Variants in STARD13 observed in about 807,000 individuals in gnomAD.
The protein encoded by STARD13 is stAR-related lipid transfer protein 13.
STARD13 carries 62 observed loss-of-function variants against 106.4 expected under a neutral mutation model. The observed-to-expected ratio is 0.58, with a 90% confidence interval of 0.48 to 0.72. STARD13 has a LOEUF of 0.72. Ranked by LOEUF, STARD13 falls within the 30% of genes least tolerant of loss-of-function variation. The pLI, the probability that STARD13 is intolerant of heterozygous loss-of-function variation, is 0.00. For synonymous variants in STARD13, 565 were observed against 553.0 expected (o/e 1.02, Z -0.31); for missense variants, 1,387 against 1,424.0 (o/e 0.97, Z 0.42).
chr13:33,209,570 A>G (rs1203633502), intron 1 of STARD13, among the ~76,000 whole-genome samples: 3 of 152,154 alleles, frequency 2.0e-5, no homozygotes, highest in African/African-American at 7.2e-5. Flanking sequence ...AACAATTAGG[A>G]CAGATCTGCT....
At chr13:33,118,037 G>T in intron 8 of STARD13, 28 bp downstream of exon 8, 1 of 1,611,224 alleles carries the variant, frequency 6.2e-7, no homozygotes, top group South Asian at 1.1e-5. Context: ...ATGCCCACGA[G>T]AACACCAATC....
the STARD13 span, among the ~76,000 whole-genome samples, chr13:33,460,362 G>A: frequency 1.3e-5 from 2 of 151,634 alleles, no homozygotes; most frequent in Admixed American, 1.3e-4. Flanking sequence ...GTGGTGCCAC[G>A]TGCCTGTAGT....
the STARD13 span, among the ~76,000 whole-genome samples, chr13:33,408,684 T>G: frequency 6.6e-6 from 1 of 152,158 alleles, no homozygotes; most frequent in African/African-American, 2.4e-5. Context: ...ACTGAAGAAT[T>G]AAGCCCATTT....
At chr13:33,553,794 G>T in the STARD13 span, among the ~76,000 whole-genome samples, 60 of 151,766 alleles carry the variant, frequency 4.0e-4, 1 homozygote, top group Non-Finnish European at 7.5e-4. Flanking sequence ...TGGCCAGGAT[G>T]GTCTCGATGT....
At chr13:33,287,179 G>A (rs1179674213), upstream of STARD13, among the ~76,000 whole-genome samples, 4 of 152,300 alleles carry the variant, frequency 2.6e-5, no homozygotes, top group East Asian at 5.8e-4. Context: ...CAAATTAAAA[G>A]TTTAACAGGA....
At chr13:33,519,273 TTTTCTTTCTCTTTC>T in the STARD13 span, among the ~76,000 whole-genome samples, 1 of 136,540 alleles carries the variant, frequency 7.3e-6, no homozygotes, top group South Asian at 2.4e-4. Flanking sequence ...TCTTTCTTTC[TTTTCTTTCTCTTTC>T]TTTCTTTCTC....
intron 1 of STARD13, among the ~76,000 whole-genome samples, chr13:33,295,866 A>G (rs1594230999): frequency 6.6e-6 from 1 of 151,908 alleles, no homozygotes; most frequent in East Asian, 1.9e-4. Context: ...CTGCATAAAT[A>G]CTTTCCTATG....
At chr13:33,605,636 T>C in the STARD13 span, among the ~76,000 whole-genome samples, 6 of 152,162 alleles carry the variant, frequency 3.9e-5, no homozygotes, top group African/African-American at 1.2e-4. Flanking sequence ...GACCACACTT[T>C]GAATAGCGCT....
chr13:33,144,754 T>C lies in STARD13; in HGVS notation c.324-2381A>G, dbSNP rs183116928. 1.4e-4 allele frequency among the ~76,000 whole-genome samples: 21 copies of C among 152,330 alleles called. No homozygotes were observed. The East Asian group carries it at 4.0e-3, about 29-fold the overall frequency. ...AAAAAAATGGTGGATATTGCACATTTGGTGGCTCTGTAACAGGTTTGTTTA... is the reference window on the plus strand; with the variant it reads ...AAAAAAATGGTGGATATTGCACATTCGGTGGCTCTGTAACAGGTTTGTTTA... On this transcript the variant is annotated intron_variant, in intron 3 of 13. Coordinates refer to ENST00000336934, the MANE Select transcript of STARD13 (RefSeq NM_178006.4).
At chr13:33,125,886 C>T (rs1439693625) in intron 7 of STARD13, among the ~76,000 whole-genome samples, 195 bp downstream of exon 7, 1 of 152,084 alleles carries the variant, frequency 6.6e-6, no homozygotes, top group African/African-American at 2.4e-5. Flanking sequence ...ATTTAAGTTG[C>T]CAATGAGGAA....
At chr13:33,510,844 A>G in the STARD13 span, among the ~76,000 whole-genome samples, 1 of 152,166 alleles carries the variant, frequency 6.6e-6, no homozygotes, top group Non-Finnish European at 1.5e-5. Flanking sequence ...GGTTTTCCAA[A>G]TTATTTGAGT....
chr13:33,140,279 C>T (rs1415510544), intron 4 of STARD13, among the ~76,000 whole-genome samples: 3 of 152,174 alleles, frequency 2.0e-5, no homozygotes, highest in Non-Finnish European at 2.9e-5. Context: ...AGCTAATGGT[C>T]GGTATAGGCA....
intron 1 of STARD13, among the ~76,000 whole-genome samples, chr13:33,337,696 A>G (rs537554843): frequency 9.8e-5 from 15 of 152,330 alleles, no homozygotes; most frequent in African/African-American, 3.4e-4. Context: ...AGGTCCTTTC[A>G]GTGATTTACA....
At chr13:33,436,352 GA>G in the STARD13 span, among the ~76,000 whole-genome samples, 3 of 152,152 alleles carry the variant, frequency 2.0e-5, no homozygotes, top group Admixed American at 2.0e-4. Flanking sequence ...TCTTGACAGT[GA>G]AGAACACAGT....
upstream of STARD13, chr13:33,350,764 A>T: frequency 1.6e-6 from 1 of 615,180 alleles, no homozygotes; most frequent in Non-Finnish European, 1.9e-6. Flanking sequence ...CACTCCTTCC[A>T]GGAGCGCGCT....
intron 1 of STARD13, among the ~76,000 whole-genome samples, chr13:33,224,479 A>G (rs1888519401): frequency 1.3e-5 from 2 of 152,074 alleles, no homozygotes; most frequent in Admixed American, 1.3e-4. Context: ...AGCCCATATT[A>G]CTCCCTCAAG....
At chr13:33,219,813 C>CAAAAAAAAAAA (rs71196513) in intron 1 of STARD13, among the ~76,000 whole-genome samples, 2 of 116,610 alleles carry the variant, frequency 1.7e-5, no homozygotes, top group East Asian at 2.4e-4. Context: ...TAAAAACAAA[C>CAAAAAAAAAAA]AAAAAAAAAA....
the STARD13 span, among the ~76,000 whole-genome samples, chr13:33,620,526 A>G: frequency 6.6e-6 from 1 of 151,804 alleles, no homozygotes; most frequent in Admixed American, 6.6e-5. Flanking sequence ...CAGGTGATCC[A>G]CCCACCTCGG....
the STARD13 span, among the ~76,000 whole-genome samples, chr13:33,379,232 T>C: frequency 1.3e-5 from 2 of 152,240 alleles, no homozygotes; most frequent in Non-Finnish European, 2.9e-5. Flanking sequence ...AGAGCTCTTA[T>C]GACAATTAGA....
Sources: gnomAD v4.1 joint callset for allele counts (sites outside exome capture counted in the v4.1 genomes callset) on GRCh38, gnomAD v4.1.1 for gene constraint, MANE v1.5 for transcripts, NCBI Gene and HGNC (gene_info 2026-07-23, HGNC 2026-07-21) for gene names.